MED13L: variants seen among roughly 807,000 people sequenced by gnomAD.
MED13L encodes the protein mediator complex subunit 13L.
Under a neutral mutation model 220.9 loss-of-function variants are expected in MED13L, and 7 were observed. That is an observed-to-expected ratio of 0.03 (90% CI 0.02 to 0.06). MED13L has a LOEUF of 0.06. MED13L is among the 10% of genes least tolerant of loss of function. The probability of loss-of-function intolerance (pLI) is 1.00; values close to 1 mark genes in which losing one functional copy is unlikely to be tolerated. For missense variants in MED13L, 1,965 were observed against 2,760.5 expected, an observed-to-expected ratio of 0.71 and a Z score of 6.46; for synonymous variants, 1,011 against 1,015.2, an observed-to-expected ratio of 1.00 and a Z score of 0.08.
intron 2 of MED13L, among the ~76,000 whole-genome samples, chr12:116,228,431 C>G (rs1176229717): frequency 6.6e-6 from 1 of 152,172 alleles, no homozygotes; most frequent in Non-Finnish European, 1.5e-5. Context: ...ATCCTCCCAC[C>G]TTAGCCTCCC....
At chr12:115,969,338 A>G (rs574590715) in intron 27 of MED13L, among the ~76,000 whole-genome samples, 60 of 152,294 alleles carry the variant, frequency 3.9e-4, no homozygotes, top group African/African-American at 1.4e-3. Context: ...GCAATAAAGA[A>G]TATAACATAA....
intron 2 of MED13L, among the ~76,000 whole-genome samples, chr12:116,164,477 G>A (rs1216764839): frequency 6.6e-6 from 1 of 152,178 alleles, no homozygotes; most frequent in Non-Finnish European, 1.5e-5. Flanking sequence ...AGAGGCTGCT[G>A]CAGCTGCAGG....
At chr12:116,235,834 T>C (rs941504085) in intron 2 of MED13L, among the ~76,000 whole-genome samples, 4 of 152,096 alleles carry the variant, frequency 2.6e-5, no homozygotes, top group Admixed American at 2.0e-4. Context: ...AGCAGTTGGG[T>C]TTGGTTTCCT....
chr12:116,068,887 A>C (rs1002064886), intron 4 of MED13L, among the ~76,000 whole-genome samples: 5 of 152,002 alleles, frequency 3.3e-5, no homozygotes, highest in African/African-American at 1.2e-4. Flanking sequence ...TCCCTCATTT[A>C]AGGTTCAAAA....
At chr12:116,224,164 T>C (rs1477919002) in intron 2 of MED13L, among the ~76,000 whole-genome samples, 2 of 152,182 alleles carry the variant, frequency 1.3e-5, no homozygotes, top group Non-Finnish European at 2.9e-5. Context: ...AAAAACCCTC[T>C]AAGATCCCAA....
At chr12:116,255,734 C>T (rs970026939) in intron 1 of MED13L, among the ~76,000 whole-genome samples, 3 of 152,140 alleles carry the variant, frequency 2.0e-5, no homozygotes, top group Non-Finnish European at 4.4e-5. Context: ...AAAAGATATA[C>T]GAATGACTTA....
At chr12:116,190,109 T>C (rs1190035225) in intron 2 of MED13L, among the ~76,000 whole-genome samples, 3 of 152,146 alleles carry the variant, frequency 2.0e-5, no homozygotes, top group Non-Finnish European at 4.4e-5. Flanking sequence ...ATGGCAAGAG[T>C]GGACATTCTT....
At chr12:116,042,522 T>C (rs2137548059) in intron 4 of MED13L, among the ~76,000 whole-genome samples, 1 of 152,324 alleles carries the variant, frequency 6.6e-6, no homozygotes, top group South Asian at 2.1e-4. Flanking sequence ...TGAGACAAGG[T>C]AGAGAGAAAT....
At chr12:116,014,162 T>C (rs896330590) in intron 8 of MED13L, among the ~76,000 whole-genome samples, 20 of 152,340 alleles carry the variant, frequency 1.3e-4, no homozygotes, top group Admixed American at 1.0e-3. Context: ...AATCAATTCA[T>C]TGGTCAATAT....
chr12:116,034,768 G>A (rs1425156324), intron 4 of MED13L, among the ~76,000 whole-genome samples: 1 of 152,184 alleles, frequency 6.6e-6, no homozygotes, highest in African/African-American at 2.4e-5. Context: ...CACTTTGGGA[G>A]GCCAAGGTGG....
chr12:116,030,546 AT>A (rs1353487317), intron 4 of MED13L, among the ~76,000 whole-genome samples: 3 of 152,176 alleles, frequency 2.0e-5, no homozygotes, highest in African/African-American at 7.2e-5. Flanking sequence ...AAAAATATGT[AT>A]TATTAATAAA....
chr12:116,164,389 C>G (rs953037042), intron 2 of MED13L, among the ~76,000 whole-genome samples: 7 of 151,994 alleles, frequency 4.6e-5, no homozygotes, highest in African/African-American at 1.7e-4. Context: ...AAAAAACCAA[C>G]AACAAAAAAG....
intron 28 of MED13L, among the ~76,000 whole-genome samples, chr12:115,967,804 A>G (rs1876285365): frequency 6.6e-6 from 1 of 152,172 alleles, no homozygotes; most frequent in Non-Finnish European, 1.5e-5. Flanking sequence ...AAAATAGACA[A>G]TGTAACATTT....
intron 3 of MED13L, among the ~76,000 whole-genome samples, chr12:116,102,708 T>A (rs1216116536): frequency 1.1e-5 from 1 of 87,338 alleles, no homozygotes; most frequent in Non-Finnish European, 2.5e-5. Flanking sequence ...TTTTTCTTTT[T>A]TCTTTTTTTT....
intron 2 of MED13L, among the ~76,000 whole-genome samples, chr12:116,149,940 TA>T (rs1286331760): frequency 1.3e-5 from 2 of 152,238 alleles, no homozygotes; most frequent in Non-Finnish European, 2.9e-5. Flanking sequence ...AAAGGTGTGA[TA>T]TTTCTTTCAC....
chr12:116,135,812 T>C (rs951295750), intron 2 of MED13L, among the ~76,000 whole-genome samples: 7 of 152,182 alleles, frequency 4.6e-5, no homozygotes, highest in African/African-American at 1.4e-4. Flanking sequence ...CTGATCAGTT[T>C]TGTGATCCTT....
At chr12:116,173,225 C>T (rs1879808965) in intron 2 of MED13L, among the ~76,000 whole-genome samples, 1 of 151,640 alleles carries the variant, frequency 6.6e-6, no homozygotes, top group African/African-American at 2.4e-5. Flanking sequence ...CAATCAAAAA[C>T]TCCTTTCTCA....
At chr12:116,182,931 G>A (rs1880626240) in intron 2 of MED13L, among the ~76,000 whole-genome samples, 1 of 152,106 alleles carries the variant, frequency 6.6e-6, no homozygotes, top group South Asian at 2.1e-4. Context: ...CCCCTCTTGA[G>A]ATTTTAAGCT....
chr12:116,163,078 G>C (rs1168735369), intron 2 of MED13L, among the ~76,000 whole-genome samples: 2 of 152,086 alleles, frequency 1.3e-5, no homozygotes, highest in African/African-American at 4.8e-5. Context: ...AATTATTTCA[G>C]AATTTTTTAT....
Sources: gnomAD v4.1 joint callset for allele counts (sites outside exome capture counted in the v4.1 genomes callset) on GRCh38, gnomAD v4.1.1 for gene constraint, MANE v1.5 for transcripts, NCBI Gene and HGNC (gene_info 2026-07-23, HGNC 2026-07-21) for gene names.